The following PPP2CB variants were observed in gnomAD, a reference collection of about 807,000 sequenced individuals.
PPP2CB encodes protein phosphatase 2 catalytic subunit beta.
In PPP2CB, 18 loss-of-function variants were observed where a neutral mutation model predicts 39.1. That is an observed-to-expected ratio of 0.46 (90% confidence interval 0.32 to 0.68). The LOEUF (loss-of-function observed/expected upper bound fraction) is 0.68. Among genes scored for constraint, PPP2CB ranks in the 30% least tolerant of loss-of-function variants. The pLI is 0.04. For missense variants in PPP2CB, 226 were observed against 396.9 expected, an observed-to-expected ratio of 0.57 and a Z score of 3.66; for synonymous variants, 129 against 133.8, an observed-to-expected ratio of 0.96 and a Z score of 0.25.
Position 30,786,071 on chromosome 8 carries a change from A to C in PPP2CB, c.*164T>G. ...CAGTCTCAAATTGTGCTAAATGCTC[A>C]TCATTAGTATGGCACATTTGGTCCA... On this transcript the variant is annotated 3_prime_UTR_variant, in exon 7 of 7. Coordinates refer to ENST00000221138, the MANE Select transcript of PPP2CB (RefSeq NM_001009552.2). 1 of 708,526 alleles carries C rather than the reference A, an allele frequency of 1.4e-6. No individual in the cohort carries two copies. The highest frequency in any genetic ancestry group is 2.7e-5 in the East Asian group (1 of 36,506). 43.9% of individuals were successfully genotyped at this position (708,526 alleles called of 1,614,324 possible).
At chr8:30,799,445 T>C (rs1025822100) in intron 2 of PPP2CB, 101 bp downstream of exon 2, 1 of 958,570 alleles carries the variant, frequency 1.0e-6, no homozygotes, top group East Asian at 2.4e-5. Context: ...TAAGGGGCTA[T>C]AAACTGAACA....
intron 3 of PPP2CB, among the ~76,000 whole-genome samples, chr8:30,794,683 GC>G (rs1401416080): frequency 6.6e-6 from 1 of 152,074 alleles, no homozygotes; most frequent in East Asian, 1.9e-4. Flanking sequence ...GCGCAATGCA[GC>G]CATGAACTCC....
intron 3 of PPP2CB, among the ~76,000 whole-genome samples, chr8:30,796,696 T>C (rs574073262): frequency 8.5e-5 from 13 of 152,314 alleles, no homozygotes; most frequent in African/African-American, 2.9e-4. Flanking sequence ...GCTTTTGTTT[T>C]ATATTTAAAT....
At chr8:30,808,753 T>C (rs1294656406) in intron 1 of PPP2CB, among the ~76,000 whole-genome samples, 1 of 151,806 alleles carries the variant, frequency 6.6e-6, no homozygotes, top group East Asian at 1.9e-4. Context: ...AGCCACTATA[T>C]AAAAAAAACT....
chr8:30,812,211 G>T, intron 1 of PPP2CB, 109 bp downstream of exon 1: 1 of 725,468 alleles, frequency 1.4e-6, no homozygotes, highest in Non-Finnish European at 1.8e-6. Flanking sequence ...AGCCCCGCAG[G>T]CCCCCGGTGG....
intron 1 of PPP2CB, among the ~76,000 whole-genome samples, chr8:30,809,839 A>C (rs1461020229): frequency 2.0e-5 from 3 of 152,116 alleles, no homozygotes; most frequent in African/African-American, 7.2e-5. Flanking sequence ...TGAGAGGCTG[A>C]AGTGGGAGGG....
At chr8:30,807,593 G>T (rs1806745255) in intron 1 of PPP2CB, among the ~76,000 whole-genome samples, 1 of 152,126 alleles carries the variant, frequency 6.6e-6, no homozygotes, top group African/African-American at 2.4e-5. Flanking sequence ...CACACACATT[G>T]GCTGAATTTC....
intron 3 of PPP2CB, among the ~76,000 whole-genome samples, chr8:30,795,119 ATTTTTTT>A (rs893547625): frequency 6.3e-5 from 8 of 127,474 alleles, no homozygotes; most frequent in East Asian, 2.3e-4. Flanking sequence ...TCTGATTTTG[ATTTTTTT>A]TTTTTTTTTT....
At chr8:30,793,362 C>A (rs539935405) in intron 5 of PPP2CB, 4 of 152,292 alleles carry the variant, frequency 2.6e-5, no homozygotes, top group Non-Finnish European at 4.4e-5. Flanking sequence ...TATGCACATA[C>A]AGTATGCACA....
At chr8:30,810,598 A>G (rs1806809821) in intron 1 of PPP2CB, among the ~76,000 whole-genome samples, 1 of 152,262 alleles carries the variant, frequency 6.6e-6, no homozygotes, top group Non-Finnish European at 1.5e-5. Flanking sequence ...ACTTCGCATT[A>G]GAGCTGGAGA....
chr8:30,796,678 C>T (rs1278748115), intron 3 of PPP2CB, among the ~76,000 whole-genome samples: 3 of 152,154 alleles, frequency 2.0e-5, no homozygotes, highest in African/African-American at 7.2e-5. Context: ...TAGGAGCCAA[C>T]TTGCCCGGCT....
Position 30,785,867 on chromosome 8 carries a change from A to G in PPP2CB, c.*368T>C, listed in dbSNP as rs1429255608. On this transcript the variant is annotated 3_prime_UTR_variant, in exon 7 of 7. Coordinates refer to ENST00000221138, the MANE Select transcript of PPP2CB (RefSeq NM_001009552.2). Reference sequence around the variant, plus strand: ...TAGCTTGTGAATTTTTCTTAAAAATAAAACTCCAACTCTATTAATCCATGC... The same window carrying G: ...TAGCTTGTGAATTTTTCTTAAAAATGAAACTCCAACTCTATTAATCCATGC... 3.0e-6 allele frequency: 1 copy of G among 331,596 alleles called. No individual in the cohort carries two copies. The highest frequency in any genetic ancestry group is 5.9e-6 in the Non-Finnish European group (1 of 168,948). 20.5% of individuals were successfully genotyped at this position (331,596 alleles called of 1,614,324 possible).
At chr8:30,795,451 A>T (rs1394258138) in intron 3 of PPP2CB, among the ~76,000 whole-genome samples, 1 of 152,166 alleles carries the variant, frequency 6.6e-6, no homozygotes, top group Non-Finnish European at 1.5e-5. Flanking sequence ...TGATAGTACA[A>T]CTGGCGTTTC....
chr8:30,799,849 C>A, intron 1 of PPP2CB, 94 bp from the exon 2 acceptor site: 1 of 1,092,364 alleles, frequency 9.2e-7, no homozygotes, highest in South Asian at 1.5e-5. Context: ...TTGAAAAGTG[C>A]CTTATAAAAG....
At chr8:30,794,830 C>T (rs1160455644) in intron 3 of PPP2CB, among the ~76,000 whole-genome samples, 3 of 152,198 alleles carry the variant, frequency 2.0e-5, no homozygotes, top group African/African-American at 7.2e-5. Context: ...TTACAGCAAA[C>T]ACTCTGATTC....
At chr8:30,787,621 C>T (rs1462423511) in intron 6 of PPP2CB, among the ~76,000 whole-genome samples, 1 of 152,216 alleles carries the variant, frequency 6.6e-6, no homozygotes, top group Non-Finnish European at 1.5e-5. Flanking sequence ...TGGTTAGAGC[C>T]ACCGCACCTG....
At chr8:30,802,930 A>C (rs1806650843) in intron 1 of PPP2CB, among the ~76,000 whole-genome samples, 1 of 152,230 alleles carries the variant, frequency 6.6e-6, no homozygotes, top group Admixed American at 6.5e-5. Context: ...AATGCTGACA[A>C]TGCTGCTGTT....
chr8:30,798,588 T>A (rs2128761516), intron 2 of PPP2CB, among the ~76,000 whole-genome samples: 1 of 152,336 alleles, frequency 6.6e-6, no homozygotes, highest in South Asian at 2.1e-4. Context: ...CCTAGGTTTG[T>A]GTAAGTTCCA....
chr8:30,797,743 T>C lies in PPP2CB; in HGVS notation c.324A>G (p.Pro108=), dbSNP rs368330165. ...TTCCTCTCAATATTGTAATGCGTTCTGGATAACGCACCTGGAAGAAAAGGA... is the reference window on the plus strand; with the variant it reads ...TTCCTCTCAATATTGTAATGCGTTCCGGATAACGCACCTGGAAGAAAAGGA... ...TLLVALKVRY[P]ERITILRGNH... Residue 108 remains proline, a synonymous_variant, in exon 3 of 7, where the codon CCA becomes CCG. Transcript: ENST00000221138. The C allele has an allele frequency of 6.2e-7, 1 of 1,613,058 alleles. No homozygotes were observed. Among genetic ancestry groups the C allele is most frequent in the East Asian group, 2.2e-5 (1 of 44,856 alleles).
Sources: allele counts gnomAD v4.1 joint callset (sites outside exome capture counted in the v4.1 genomes callset), GRCh38; gene constraint gnomAD v4.1.1; transcripts MANE v1.5; gene names NCBI Gene and HGNC (gene_info 2026-07-23, HGNC 2026-07-21).